The following SLC7A14 variants were observed in gnomAD, a reference collection of about 807,000 sequenced individuals.
SLC7A14 encodes gamma-aminobutyric acid transporter SLC7A14.
Under a neutral mutation model 60.2 loss-of-function variants are expected in SLC7A14, and 37 were observed. The observed-to-expected ratio is 0.61, with a 90% CI of 0.47 to 0.81. SLC7A14 has a LOEUF of 0.81. Among genes scored for constraint, SLC7A14 ranks in the 30% least tolerant of loss-of-function variants. SLC7A14 has a pLI of 0.00. For missense variants in SLC7A14, 886 were observed against 982.7 expected, an observed-to-expected ratio of 0.90 and a Z score of 1.32; for synonymous variants, 399 against 395.8, an observed-to-expected ratio of 1.01 and a Z score of -0.10.
intron 6 of SLC7A14, among the ~76,000 whole-genome samples, chr3:170,482,634 T>C (rs1416338184): frequency 6.6e-6 from 1 of 152,174 alleles, no homozygotes; most frequent in Non-Finnish European, 1.5e-5. Flanking sequence ...GAACTGCCAA[T>C]ATATTGGTGT....
At position 170,462,728 on chromosome 3, in the gene SLC7A14, C is replaced by CT. The variant is rs1739632384; in HGVS notation, c.*4326dup. On this transcript the variant is annotated 3_prime_UTR_variant, in exon 8 of 8. Transcript: ENST00000231706. ...CCTGGGTGACAGAATGAGACTCTGTCTAAAAAAAAAAAAGTAGCACTCAAG... is the reference window on the plus strand; with the variant it reads ...CCTGGGTGACAGAATGAGACTCTGTCTTAAAAAAAAAAAAGTAGCACTCAAG... The CT allele has an allele frequency of 1.1e-5, 1 of 91,412 alleles. No homozygotes were observed. The highest frequency in any genetic ancestry group is 3.4e-4 in the South Asian group (1 of 2,982). 5.7% of individuals were successfully genotyped at this position (91,412 alleles called of 1,614,324 possible). A position where few individuals can be genotyped will look rare whatever the true frequency, so the allele number is the denominator to read the frequency against.
intron 2 of SLC7A14, among the ~76,000 whole-genome samples, chr3:170,510,724 T>C (rs1017667177): frequency 6.6e-6 from 1 of 152,194 alleles, no homozygotes; most frequent in African/African-American, 2.4e-5. Flanking sequence ...GATTGGTCCT[T>C]CTTCATTGTT....
intron 1 of SLC7A14, among the ~76,000 whole-genome samples, chr3:170,559,132 C>T (rs1167709183): frequency 1.3e-5 from 2 of 152,204 alleles, no homozygotes; most frequent in South Asian, 4.1e-4. Flanking sequence ...TCAATTGCCA[C>T]CAGTATTAAA....
intron 2 of SLC7A14, among the ~76,000 whole-genome samples, chr3:170,520,033 T>C (rs1275557770): frequency 6.6e-6 from 1 of 152,318 alleles, no homozygotes; most frequent in East Asian, 1.9e-4. Flanking sequence ...AGGACAGAAA[T>C]GAAATTCTCC....
chr3:170,560,249 T>C (rs1420034579), intron 1 of SLC7A14, among the ~76,000 whole-genome samples: 1 of 152,142 alleles, frequency 6.6e-6, no homozygotes, highest in African/African-American at 2.4e-5. Flanking sequence ...GTAAATCTCC[T>C]TGATACCATA....
Position 170,463,743 on chromosome 3 carries a change from A to G in SLC7A14, c.*3312T>C, listed in dbSNP as rs147388065. On this transcript the variant is annotated 3_prime_UTR_variant, in exon 8 of 8. Coordinates refer to ENST00000231706, the MANE Select transcript of SLC7A14 (RefSeq NM_020949.3). ...CTGACTTACGATATCAATATCTGCC[A>G]TAGTACATAATAGGCACTCCACAAG... 2 of 152,368 alleles carry G rather than the reference A, an allele frequency of 1.3e-5. No homozygotes were observed. Among genetic ancestry groups the G allele is most frequent in the Admixed American group, 6.5e-5 (1 of 15,308 alleles). 9.4% of individuals were successfully genotyped at this position (152,368 alleles called of 1,614,324 possible).
chr3:170,494,238 C>T (rs1029627614), intron 4 of SLC7A14, among the ~76,000 whole-genome samples: 1 of 152,166 alleles, frequency 6.6e-6, no homozygotes, highest in Admixed American at 6.5e-5. Flanking sequence ...ACTTATTTTG[C>T]AGGGCTGTTG....
At chr3:170,580,399 G>A (rs374873231) in intron 1 of SLC7A14, among the ~76,000 whole-genome samples, 277 of 152,284 alleles carry the variant, frequency 1.8e-3, no homozygotes, top group African/African-American at 6.3e-3. Context: ...CAAAATCCAG[G>A]TCTTTCCAAG....
chr3:170,556,786 T>C (rs1714495098), intron 1 of SLC7A14, among the ~76,000 whole-genome samples: 1 of 152,182 alleles, frequency 6.6e-6, no homozygotes, highest in African/African-American at 2.4e-5. Flanking sequence ...GAACTAGGTA[T>C]TGATTTTTGC....
At chr3:170,569,884 A>G (rs1293558720) in intron 1 of SLC7A14, among the ~76,000 whole-genome samples, 1 of 151,996 alleles carries the variant, frequency 6.6e-6, no homozygotes, top group East Asian at 1.9e-4. Context: ...TATTGCATCT[A>G]TTTGATTCTT....
intron 1 of SLC7A14, among the ~76,000 whole-genome samples, chr3:170,536,283 G>A (rs1404845376): frequency 6.6e-6 from 1 of 152,210 alleles, no homozygotes; most frequent in Admixed American, 6.5e-5. Context: ...GAGACCGTAA[G>A]AGACTTGGTA....
At chr3:170,472,159 A>G (rs1163442731) in intron 7 of SLC7A14, among the ~76,000 whole-genome samples, 1 of 150,092 alleles carries the variant, frequency 6.7e-6, no homozygotes, top group African/African-American at 2.5e-5. Flanking sequence ...ACCTGAGGTC[A>G]GGAGTTCGAG....
chr3:170,580,288 A>G (rs1462716214), intron 1 of SLC7A14, among the ~76,000 whole-genome samples: 1 of 152,252 alleles, frequency 6.6e-6, no homozygotes, highest in African/African-American at 2.4e-5. Flanking sequence ...CTACATTGTC[A>G]GTTCTCTTTA....
intron 4 of SLC7A14, chr3:170,496,467 G>A (rs1323527928): frequency 1.3e-5 from 17 of 1,316,224 alleles, no homozygotes; most frequent in Middle Eastern, 2.1e-4. Context: ...GGAGCTGGCC[G>A]TTAAGGATGC....
chr3:170,467,565 G>A (rs1739755251), intron 7 of SLC7A14, among the ~76,000 whole-genome samples, 188 bp from the exon 8 acceptor site: 1 of 152,152 alleles, frequency 6.6e-6, no homozygotes, highest in African/African-American at 2.4e-5. Flanking sequence ...TAAAAATTGG[G>A]AGATCTTGCG....
At chr3:170,574,902 G>T (rs537817977) in intron 1 of SLC7A14, among the ~76,000 whole-genome samples, 16 of 152,328 alleles carry the variant, frequency 1.1e-4, no homozygotes, top group African/African-American at 3.8e-4. Flanking sequence ...TGGGCAAGTG[G>T]CTTCACCTCT....
At chr3:170,472,721 T>C (rs907322305) in intron 7 of SLC7A14, among the ~76,000 whole-genome samples, 2 of 149,556 alleles carry the variant, frequency 1.3e-5, no homozygotes, top group African/African-American at 4.9e-5. Context: ...GAGCTGAGAT[T>C]GTGCCACTGC....
Position 170,461,954 on chromosome 3 carries a change from T to C in SLC7A14, c.*5101A>G. On this transcript the variant is annotated 3_prime_UTR_variant, in exon 8 of 8. Transcript: ENST00000231706. Reference sequence around the variant, plus strand: ...TTTCCTTTGCTCTCCTCTCTTTCCCTCCATTGGAAGTTAGGGACACCTCTG... The same window carrying C: ...TTTCCTTTGCTCTCCTCTCTTTCCCCCCATTGGAAGTTAGGGACACCTCTG... The C allele has an allele frequency of 6.6e-6, 1 of 152,636 alleles. No homozygotes were observed. The allele number at this position is 152,636 out of a possible 1,614,324, so 9.5% of individuals were successfully genotyped here. A position where few individuals can be genotyped will look rare whatever the true frequency, so the allele number is the denominator to read the frequency against.
At chr3:170,469,148 C>T (rs1382178135) in intron 7 of SLC7A14, among the ~76,000 whole-genome samples, 2 of 152,178 alleles carry the variant, frequency 1.3e-5, no homozygotes, top group African/African-American at 4.8e-5. Flanking sequence ...CTCTGAGTAG[C>T]ACCAGTCTCT....
Sources: allele counts gnomAD v4.1 joint callset (sites outside exome capture counted in the v4.1 genomes callset), GRCh38; gene constraint gnomAD v4.1.1; transcripts MANE v1.5; gene names NCBI Gene and HGNC (gene_info 2026-07-23, HGNC 2026-07-21).